TNXB: variants seen among roughly 807,000 people sequenced by gnomAD.
TNXB encodes the protein tenascin XB, also known as tenascin-X.
TNXB carries 183 observed loss-of-function variants against 340.5 expected under a neutral mutation model. The observed-to-expected ratio is 0.54, with a 90% confidence interval of 0.48 to 0.61. The LOEUF is 0.61. Among genes scored for constraint, TNXB ranks in the 20% least tolerant of loss-of-function variants. The pLI, the probability that TNXB is intolerant of heterozygous loss-of-function variation, is 0.00. For synonymous variants in TNXB, 2,121 were observed against 2,314.5 expected (o/e 0.92, Z 2.40); for missense variants, 4,613 against 5,446.4 (o/e 0.85, Z 4.82).
At position 32,068,629 on chromosome 6, in the gene TNXB, G is replaced by C; in HGVS notation, c.5981C>G (p.Thr1994Ser). The change falls in exon 17 of 44, where the codon ACC (threonine) becomes AGC (serine). Residue 1994 changes from threonine to serine, a missense_variant. Physicochemically the swap from Thr to Ser is moderately conservative, Grantham distance 58 (BLOSUM62 1). Coordinates refer to ENST00000644971, the MANE Select transcript of TNXB (RefSeq NM_001365276.2). This position sits in a 1 kb window ranked among gnomAD's most constrained non-coding sequence, Gnocchi z 5.3. ...GGAGTCAGGGGTGGCATCTGTCACG[G>C]TCAGCTCCCCCAGGCGAGGCTTGAT... Reference protein sequence around the residue: ...PPIKPRLGELTVTDATPDSLS... With the variant: ...PPIKPRLGELSVTDATPDSLS... 1 of 1,613,944 alleles carries C rather than the reference G, an allele frequency of 6.2e-7. No individual in the cohort carries two copies. Among genetic ancestry groups the C allele is most frequent in the Non-Finnish European group, 8.5e-7 (1 of 1,179,890 alleles).
chr6:32,079,133 G>GACCTC lies in TNXB; in HGVS notation c.4270_4274dup (p.Thr1426ArgfsTer7), dbSNP rs772324442. 7.4e-6 allele frequency: 12 copies of GACCTC among 1,613,742 alleles called. No homozygotes were observed. Among genetic ancestry groups the GACCTC allele is most frequent in the Non-Finnish European group, 1.7e-6 (2 of 1,179,904 alleles). ...GCCCGGGCTCTAGGCCTCCCACGGTGACCTCACTCTCCTTGCCCCCAACAC... is the reference window on the plus strand; with the variant it reads ...GCCCGGGCTCTAGGCCTCCCACGGTGACCTCACCTCACTCTCCTTGCCCCCAACAC... On this transcript the variant is annotated frameshift_variant, in exon 11 of 44. Coordinates refer to ENST00000644971, the MANE Select transcript of TNXB (RefSeq NM_001365276.2). LOFTEE classifies it high-confidence loss of function. This position sits in a 1 kb window ranked among gnomAD's most constrained non-coding sequence, Gnocchi z 7.1.
intron 21 of TNXB, among the ~76,000 whole-genome samples, chr6:32,060,316 G>A (rs1438112563): frequency 6.7e-6 from 1 of 150,094 alleles, no homozygotes; most frequent in Non-Finnish European, 1.5e-5. Flanking sequence ...TGGGCGACAA[G>A]AGCGAAACTT....
In TNXB at chr6:32,061,731, G is replaced by C; in HGVS notation, c.7169-11C>G. Reference sequence around the variant, plus strand: ...TCTCTTCCTCTGCAGCTGAGAAAAAGGGACACAGAGAGGATGGCAGGGTCC... The same window carrying C: ...TCTCTTCCTCTGCAGCTGAGAAAAACGGACACAGAGAGGATGGCAGGGTCC... On this transcript the variant is annotated splice_polypyrimidine_tract_variant and intron_variant, in intron 20 of 43. Coordinates refer to ENST00000644971, the MANE Select transcript of TNXB (RefSeq NM_001365276.2). This position sits in a 1 kb window ranked among gnomAD's most constrained non-coding sequence, Gnocchi z 4.4. 6.2e-7 allele frequency: 1 copy of C among 1,607,924 alleles called. No individual in the cohort carries two copies. The highest frequency in any genetic ancestry group is 8.5e-7 in the Non-Finnish European group (1 of 1,176,318).
In TNXB at chr6:32,062,422, G is replaced by A. The variant is rs756961315; in HGVS notation, c.6903C>T (p.Pro2301=). The part of the protein sequence containing the change: ...ASTEPPTPEP[P]IKPRLEELTV... ...TCAGCTCCTCCAGGCGAGGCTTGAT[G>A]GGGGGTTCAGGGGTGGGAGGTTCTG... Residue 2301 remains proline (P), a synonymous_variant, in exon 20 of 44, where the codon CCC becomes CCT. Coordinates refer to ENST00000644971, the MANE Select transcript of TNXB (RefSeq NM_001365276.2). The surrounding 1 kb of genome is among the most constrained non-coding windows in gnomAD (Gnocchi z 4.3). 1.9e-6 allele frequency: 3 copies of A among 1,612,786 alleles called. No homozygotes were observed. Among genetic ancestry groups the A allele is most frequent in the Non-Finnish European group, 2.5e-6 (3 of 1,179,628 alleles).
intron 24 of TNXB, among the ~76,000 whole-genome samples, 185 bp from the exon 25 acceptor site, chr6:32,053,896 GCCCCCACCTCA>G (rs1777466257): frequency 9.5e-6 from 1 of 104,948 alleles, no homozygotes; most frequent in Non-Finnish European, 2.0e-5. Context: ...CCTGCCCTCA[GCCCCCACCTCA>G]CCCCCACCTC....
chr6:32,089,372 C>T lies in TNXB; in HGVS notation c.2366G>A (p.Gly789Glu), dbSNP rs367834992. Residue 789 changes from glycine (G) to glutamate (E), a missense_variant, in exon 5 of 44, where the codon GGG (glycine) becomes GAG (glutamate). Physicochemically the swap from Gly to Glu is moderately conservative, Grantham distance 98. Around this residue, in one of 7 missense-constraint regions of TNXB, gnomAD observed 4,327 missense variants for 4,859.4 expected, o/e 0.89. Coordinates refer to ENST00000644971, the MANE Select transcript of TNXB (RefSeq NM_001365276.2). The surrounding 1 kb of genome is among the most constrained non-coding windows in gnomAD (Gnocchi z 6.2). ...YEIQFIPTTE[G>E]ASPPFTARVP... ...CCGTGCTGTGAATGGGGGGCTCGCC[C>T]CCTCTGTCTGTGAGAGAGAGCACCA... 2.5e-4 allele frequency: 407 copies of T among 1,605,678 alleles called. 4 individuals carry two copies. In the Middle Eastern group the frequency reaches 5.9e-3, roughly 23 times the overall value.
chr6:32,103,249 C>T (rs1182841942), intron 1 of TNXB, among the ~76,000 whole-genome samples: 3 of 151,186 alleles, frequency 2.0e-5, no homozygotes, highest in Admixed American at 6.6e-5. Context: ...GCTGAAACCC[C>T]GTCTCTACTA....
At position 32,046,098 on chromosome 6, in the gene TNXB, T is replaced by A. The variant is rs1776848837; in HGVS notation, c.10606+77A>T. 1.1e-5 allele frequency: 17 copies of A among 1,526,716 alleles called. No individual in the cohort carries two copies. Among genetic ancestry groups the A allele is most frequent in the Non-Finnish European group, 1.4e-5 (16 of 1,135,218 alleles). 94.6% of individuals were successfully genotyped at this position (1,526,716 alleles called of 1,614,324 possible). On this transcript the variant is annotated intron_variant, in intron 31 of 43. Coordinates refer to ENST00000644971, the MANE Select transcript of TNXB (RefSeq NM_001365276.2). The surrounding 1 kb of genome is among the most constrained non-coding windows in gnomAD (Gnocchi z 6.9). ...CACTCCGGCCTGCCCACTCCTGCAG[T>A]CATCTTTGTCTTCAGCCCAAATGCA...
rs780446591 is a variant in TNXB at position 32,096,728 on chromosome 6, C to T, written c.1125G>A (p.Arg375=). Residue 375 remains arginine (R), a synonymous_variant, in exon 3 of 44, where the codon AGG becomes AGA. Coordinates refer to ENST00000644971, the MANE Select transcript of TNXB (RefSeq NM_001365276.2). ...CGCAGCGCCCGCGGCCCCGGCAGTC[C>T]CTCGGACATGTCCGCGTGCTGCAGT... The part of the protein sequence containing the change: ...GEDCSTRTCP[R]DCRGRGRCED... The T allele has an allele frequency of 3.2e-6, 5 of 1,551,484 alleles. No individual in the cohort carries two copies. The South Asian group carries it at 5.9e-5, about 18-fold the overall frequency.
chr6:32,073,547 G>C lies in TNXB; in HGVS notation c.4681+100C>G, dbSNP rs1176622758. On this transcript the variant is annotated intron_variant, in intron 12 of 43. Transcript: ENST00000644971. The surrounding 1 kb of genome is among the most constrained non-coding windows in gnomAD (Gnocchi z 4.6). ...GGGCCTGAGGGGATCTAGCCCCTCAGTGAGGGTGCGGTGGTACCAAGGCAG... is the reference window on the plus strand; with the variant it reads ...GGGCCTGAGGGGATCTAGCCCCTCACTGAGGGTGCGGTGGTACCAAGGCAG... The C allele has an allele frequency of 9.1e-7, 1 of 1,101,122 alleles. No homozygotes were observed. The highest frequency in any genetic ancestry group is 1.3e-6 in the Non-Finnish European group (1 of 771,108). 68.2% of individuals were successfully genotyped at this position (1,101,122 alleles called of 1,614,324 possible). A position where few individuals can be genotyped will look rare whatever the true frequency, so the allele number is the denominator to read the frequency against.
rs182750850 is a variant in TNXB, at chr6:32,084,674, G to A, written c.3184C>T (p.Pro1062Ser). 1.9e-6 allele frequency: 3 copies of A among 1,587,966 alleles called. No homozygotes were observed. In the South Asian group the frequency reaches 3.4e-5, roughly 18 times the overall value. Residue 1062 changes from proline (P) to serine (S), a missense_variant, in exon 8 of 44, where the codon CCA becomes TCA. Physicochemically the swap from Pro to Ser is moderately conservative, Grantham distance 74 (BLOSUM62 -1). Coordinates refer to ENST00000644971, the MANE Select transcript of TNXB (RefSeq NM_001365276.2). The surrounding 1 kb of genome is among the most constrained non-coding windows in gnomAD (Gnocchi z 5.5). ...DEEKPGKSSG[P>S]PRLGELTVTD... Reference sequence around the variant, plus strand: ...ACCGTCAGCTCACCCAGGCGTGGTGGGCCTGAGGACTTCCCAGGCTTCTCC... The same window carrying A: ...ACCGTCAGCTCACCCAGGCGTGGTGAGCCTGAGGACTTCCCAGGCTTCTCC...
At position 32,080,456 on chromosome 6, in the gene TNXB, C is replaced by T. The variant is rs980674307; in HGVS notation, c.4042+912G>A. Among the ~76,000 whole-genome samples, 58 of 152,318 alleles carry T rather than the reference C, an allele frequency of 3.8e-4. No homozygotes were observed. The highest frequency in any genetic ancestry group is 1.2e-3 in the African/African-American group (48 of 41,574). ...CGATCTCCTGACCTCGTGATCCACCCGCCTTGGCCTCCCAAAATGCTGGGA... is the reference window on the plus strand; with the variant it reads ...CGATCTCCTGACCTCGTGATCCACCTGCCTTGGCCTCCCAAAATGCTGGGA... On this transcript the variant is annotated intron_variant, in intron 10 of 43. Transcript: ENST00000644971. This position sits in a 1 kb window ranked among gnomAD's most constrained non-coding sequence, Gnocchi z 4.3.
intron 4 of TNXB, chr6:32,093,300 C>A (rs969024871): frequency 4.4e-6 from 3 of 679,020 alleles, no homozygotes; most frequent in African/African-American, 1.8e-5. Flanking sequence ...TTGCCAAATT[C>A]TTGTCTCGTG....
At chr6:32,057,371 AC>A (rs1777730906) in intron 22 of TNXB, among the ~76,000 whole-genome samples, 1 of 152,044 alleles carries the variant, frequency 6.6e-6, no homozygotes, top group Admixed American at 6.6e-5. Flanking sequence ...TCCCCTGGAT[AC>A]CTTCCTACCC....
rs1239982151 is a variant in TNXB, at chr6:32,049,283, G to A, written c.9744C>T (p.Thr3248=). 7.4e-6 allele frequency: 12 copies of A among 1,610,790 alleles called. No homozygotes were observed. Among genetic ancestry groups the A allele is most frequent in the African/African-American group, 1.3e-5 (1 of 74,844 alleles). Residue 3248 remains threonine, a synonymous_variant, in exon 28 of 44, where the codon ACC becomes ACT. Coordinates refer to ENST00000644971, the MANE Select transcript of TNXB (RefSeq NM_001365276.2). This position sits in a 1 kb window ranked among gnomAD's most constrained non-coding sequence, Gnocchi z 4.5. ...HEGQRVGPVS[T]VGITAPLPTP... ...CCCCCCACTCACCCGTGATGCCCAC[G>A]GTGGACACTGGGCCCACGCGCTGCC...
rs746545933 is a variant in TNXB at position 32,096,787 on chromosome 6, G to A, written c.1066C>T (p.Arg356Cys). ...GTGTACCCGGGCCAGCACACGCAGCGGCCGTCCACGCAGCGCCCGCCCTCG... is the reference window on the plus strand; with the variant it reads ...GTGTACCCGGGCCAGCACACGCAGCAGCCGTCCACGCAGCGCCCGCCCTCG... ...CGEGGRCVDG[R>C]CVCWPGYTGE... is the part of the protein sequence containing the mutation. Residue 356 changes from arginine to cysteine, a missense_variant, in exon 3 of 44, where the codon CGC (arginine) becomes TGC (cysteine). Arg to Cys is a radical substitution (Grantham distance 180). Transcript: ENST00000644971. The A allele has an allele frequency of 2.3e-5, 36 of 1,575,990 alleles. No individual in the cohort carries two copies. The highest frequency in any genetic ancestry group is 3.0e-5 in the Non-Finnish European group (35 of 1,162,562).
At chr6:32,107,385 C>A (rs941908369) in intron 1 of TNXB, among the ~76,000 whole-genome samples, 1 of 152,160 alleles carries the variant, frequency 6.6e-6, no homozygotes, top group African/African-American at 2.4e-5. Flanking sequence ...CACCCAGAGG[C>A]TCCTTCCCAA....
chr6:32,075,203 G>A lies in TNXB; in HGVS notation c.4376-1251C>T, dbSNP rs1212841828. Among the ~76,000 whole-genome samples, 1 of 152,108 alleles carries A rather than the reference G, an allele frequency of 6.6e-6. No homozygotes were observed. Among genetic ancestry groups the A allele is most frequent in the Non-Finnish European group, 1.5e-5 (1 of 68,024 alleles). ...GCCCTCACCCCCCTTTAGTCTGTTGGGTCTGCAGCCAGAAGGATCCTGTTA... is the reference window on the plus strand; with the variant it reads ...GCCCTCACCCCCCTTTAGTCTGTTGAGTCTGCAGCCAGAAGGATCCTGTTA... On this transcript the variant is annotated intron_variant, in intron 11 of 43. Coordinates refer to ENST00000644971, the MANE Select transcript of TNXB (RefSeq NM_001365276.2). The surrounding 1 kb of genome is among the most constrained non-coding windows in gnomAD (Gnocchi z 4.6).
rs371235236 is a variant in TNXB at position 32,070,453 on chromosome 6, C to T, written c.4991-39G>A. On this transcript the variant is annotated intron_variant, in intron 13 of 43. Coordinates refer to ENST00000644971, the MANE Select transcript of TNXB (RefSeq NM_001365276.2). This position sits in a 1 kb window ranked among gnomAD's most constrained non-coding sequence, Gnocchi z 6.0. ...GTTCTTGTGTTTATTTTTTCCAAAA[C>T]GACTCCTTGACTGCCTCCCTCTGGG... 4.4e-5 allele frequency: 67 copies of T among 1,518,330 alleles called. No individual in the cohort carries two copies. Among genetic ancestry groups the T allele is most frequent in the African/African-American group, 4.1e-4 (30 of 72,832 alleles). 94.1% of individuals were successfully genotyped at this position (1,518,330 alleles called of 1,614,324 possible).
Sources: allele counts gnomAD v4.1 joint callset (sites outside exome capture counted in the v4.1 genomes callset), GRCh38; gene constraint gnomAD v4.1.1; regional missense constraint gnomAD v4.1.1; non-coding constraint Gnocchi (gnomAD v3.1); transcripts MANE v1.5; gene names NCBI Gene and HGNC (gene_info 2026-07-23, HGNC 2026-07-21).